The following TNRC18 variants were observed in gnomAD, a reference collection of about 807,000 sequenced individuals.
TNRC18 encodes the protein trinucleotide repeat-containing gene 18 protein.
In TNRC18, 69 loss-of-function variants were observed where a neutral mutation model predicts 226.7. The ratio of observed to expected loss-of-function variants is 0.30; its 90% CI spans 0.25 to 0.37. The LOEUF (loss-of-function observed/expected upper bound fraction) is 0.37. Among genes scored for constraint, TNRC18 ranks in the 10% least tolerant of loss-of-function variants. The pLI, the probability that TNRC18 is intolerant of heterozygous loss-of-function variation, is 1.00. For synonymous variants in TNRC18, 2,449 were observed against 1,927.6 expected (o/e 1.27, Z -7.09); for missense variants, 4,754 against 4,256.6 (o/e 1.12, Z -3.25).
intron 17 of TNRC18, among the ~76,000 whole-genome samples, chr7:5,351,408 C>A (rs1168951985): frequency 1.3e-5 from 2 of 151,766 alleles, no homozygotes; most frequent in Non-Finnish European, 2.9e-5. Context: ...CTCGGGAAGC[C>A]TCCACCGAAC....
At chr7:5,400,928 G>C (rs559056740) in intron 2 of TNRC18, among the ~76,000 whole-genome samples, 1 of 152,268 alleles carries the variant, frequency 6.6e-6, no homozygotes, top group South Asian at 2.1e-4. Context: ...CTGTAACCCA[G>C]CTACCCTGGA....
intron 17 of TNRC18, among the ~76,000 whole-genome samples, chr7:5,348,335 G>A (rs1180528681): frequency 2.0e-5 from 3 of 152,192 alleles, no homozygotes; most frequent in Non-Finnish European, 4.4e-5. Flanking sequence ...GACTCTAGGG[G>A]CCGCAGGGCT....
intron 5 of TNRC18, among the ~76,000 whole-genome samples, chr7:5,381,132 G>A (rs1172689928): frequency 6.6e-6 from 1 of 152,158 alleles, no homozygotes; most frequent in African/African-American, 2.4e-5. Flanking sequence ...CAGAGCACCT[G>A]CCACCCTCAG....
At chr7:5,414,075 T>A (rs749939237) in intron 2 of TNRC18, among the ~76,000 whole-genome samples, 1 of 151,822 alleles carries the variant, frequency 6.6e-6, no homozygotes, top group Non-Finnish European at 1.5e-5. Context: ...GCCTCCCAAG[T>A]AGCTGGGATT....
chr7:5,365,547 G>A (rs1296526188), intron 11 of TNRC18, among the ~76,000 whole-genome samples: 1 of 152,090 alleles, frequency 6.6e-6, no homozygotes, highest in African/African-American at 2.4e-5. Context: ...TCCAGGAAGG[G>A]TGCTCCAACC....
At chr7:5,378,086 GC>G in intron 5 of TNRC18, 62 bp from the exon 6 acceptor site, 1 of 1,398,436 alleles carries the variant, frequency 7.2e-7, no homozygotes, top group Non-Finnish European at 9.9e-7. Context: ...AGACCCATTG[GC>G]CCCACTGCCC....
At chr7:5,374,849 G>A (rs928231395) in intron 9 of TNRC18, among the ~76,000 whole-genome samples, 2 of 152,242 alleles carry the variant, frequency 1.3e-5, no homozygotes, top group Non-Finnish European at 2.9e-5. Context: ...ATGGCATTGG[G>A]CGCACTCACT....
chr7:5,327,405 G>C (rs1490115458), intron 19 of TNRC18, among the ~76,000 whole-genome samples: 11 of 150,560 alleles, frequency 7.3e-5, no homozygotes, highest in African/African-American at 1.5e-4. Flanking sequence ...GTGTGTGTGT[G>C]TGTGTGTCTG....
At chr7:5,347,417 C>A (rs2128141448) in intron 17 of TNRC18, among the ~76,000 whole-genome samples, 1 of 149,882 alleles carries the variant, frequency 6.7e-6, no homozygotes, top group East Asian at 2.0e-4. Flanking sequence ...AGGATGGTCT[C>A]CATCTCCTGA....
intron 18 of TNRC18, among the ~76,000 whole-genome samples, chr7:5,336,206 T>TAA (rs1194733009): frequency 6.7e-5 from 8 of 120,290 alleles, no homozygotes; most frequent in South Asian, 2.6e-4. Flanking sequence ...GACTCTGTTT[T>TAA]AAAAAAAAAA....
Position 5,388,962 on chromosome 7 carries a change from C to T in TNRC18, c.862G>A (p.Ala288Thr). Reference protein sequence around the residue: ...PSVLTMCNGGAGDVGLPALVA... With the variant: ...PSVLTMCNGGTGDVGLPALVA... ...AGCGCGGGCAGCCCCACGTCCCCGG[C>T]GCCGCCGTTGCACATGGTCAGTACC... Residue 288 changes from alanine (A) to threonine (T), a missense_variant, in exon 5 of 30, where the codon GCC (alanine) becomes ACC (threonine). Ala to Thr is a moderately conservative substitution (Grantham distance 58). Transcript: ENST00000430969. 7.2e-7 allele frequency: 1 copy of T among 1,387,084 alleles called. No individual in the cohort carries two copies. Among genetic ancestry groups the T allele is most frequent in the South Asian group, 1.4e-5 (1 of 72,104 alleles). 85.9% of individuals were successfully genotyped at this position (1,387,084 alleles called of 1,614,324 possible).
At chr7:5,335,163 C>A (rs528944917) in intron 18 of TNRC18, among the ~76,000 whole-genome samples, 1 of 151,646 alleles carries the variant, frequency 6.6e-6, no homozygotes, top group South Asian at 2.1e-4. Context: ...ATTAGCCGGG[C>A]ATGGTGGCGG....
At position 5,312,033 on chromosome 7, in the gene TNRC18, G is replaced by A. The variant is rs1787272326; in HGVS notation, c.8388+470C>T. ...CGCCTGTAATCCCAGCTACTTGGGA[G>A]GCTGACGCAGGAGAATTGCTTGAAC... On this transcript the variant is annotated intron_variant, in intron 27 of 29. Coordinates refer to ENST00000430969, the MANE Select transcript of TNRC18 (RefSeq NM_001080495.3). The surrounding 1 kb of genome is among the most constrained non-coding windows in gnomAD (Gnocchi z 6.3). Among the ~76,000 whole-genome samples the A allele has an allele frequency of 6.6e-6, 1 of 152,180 alleles. No homozygotes were observed. The highest frequency in any genetic ancestry group is 2.1e-4 in the South Asian group (1 of 4,832).
At chr7:5,317,464 G>C (rs530594566) in intron 24 of TNRC18, among the ~76,000 whole-genome samples, 48 of 152,158 alleles carry the variant, frequency 3.2e-4, no homozygotes, top group African/African-American at 1.0e-3. Context: ...GGTGGTGCAT[G>C]CCTGTAATCC....
intron 1 of TNRC18, among the ~76,000 whole-genome samples, chr7:5,422,378 A>T (rs1244281872): frequency 7.1e-6 from 1 of 140,864 alleles, no homozygotes; most frequent in Non-Finnish European, 1.5e-5. Flanking sequence ...AAGCCTTTGC[A>T]ACGCGGGCCT....
At chr7:5,379,301 G>A (rs1447642487) in intron 5 of TNRC18, among the ~76,000 whole-genome samples, 8 of 151,912 alleles carry the variant, frequency 5.3e-5, no homozygotes, top group Non-Finnish European at 1.2e-4. Context: ...GAGGTGGGAG[G>A]ATCTCTTGCG....
chr7:5,377,835 A>T lies in TNRC18; in HGVS notation c.2255+87T>A, dbSNP rs925822869. On this transcript the variant is annotated intron_variant, in intron 6 of 29. Coordinates refer to ENST00000430969, the MANE Select transcript of TNRC18 (RefSeq NM_001080495.3). This position sits in a 1 kb window ranked among gnomAD's most constrained non-coding sequence, Gnocchi z 5.8. The stretch of plus-strand genomic sequence containing the variant: ...CCATAGCATCCATGGTCGAGGGGCC[A>T]AGCCCACCTGGGGTCATCCAGCTGC... The T allele has an allele frequency of 1.9e-5, 26 of 1,364,560 alleles. No homozygotes were observed. In the African/African-American group the frequency reaches 3.6e-4, roughly 19 times the overall value. 84.5% of individuals were successfully genotyped at this position (1,364,560 alleles called of 1,614,324 possible).
chr7:5,310,067 T>C (rs1184541014), intron 27 of TNRC18, among the ~76,000 whole-genome samples: 3 of 151,940 alleles, frequency 2.0e-5, no homozygotes, highest in Non-Finnish European at 4.4e-5. Flanking sequence ...AATCCACGGC[T>C]AATATTTTTA....
chr7:5,347,157 A>T (rs1441882732), intron 17 of TNRC18, among the ~76,000 whole-genome samples: 1 of 151,618 alleles, frequency 6.6e-6, no homozygotes, highest in African/African-American at 2.4e-5. Flanking sequence ...AGCCTGGGCG[A>T]CAGAGCAAAC....
Sources: allele counts gnomAD v4.1 joint callset (sites outside exome capture counted in the v4.1 genomes callset), GRCh38; gene constraint gnomAD v4.1.1; non-coding constraint Gnocchi (gnomAD v3.1); transcripts MANE v1.5; gene names NCBI Gene and HGNC (gene_info 2026-07-23, HGNC 2026-07-21).